Variants in MEF2C observed in about 807,000 individuals in gnomAD.
MEF2C encodes the protein myocyte-specific enhancer factor 2C.
In MEF2C, 6 loss-of-function variants were observed where a neutral mutation model predicts 50.5. The observed-to-expected ratio is 0.12, with a 90% CI of 0.07 to 0.23. MEF2C has a LOEUF of 0.23. Among genes scored for constraint, MEF2C ranks in the 10% least tolerant of loss-of-function variants. The pLI is 1.00. For missense variants in MEF2C, 276 were observed against 605.0 expected, an observed-to-expected ratio of 0.46 and a Z score of 5.70; for synonymous variants, 183 against 228.0, an observed-to-expected ratio of 0.80 and a Z score of 1.78.
intron 1 of MEF2C, among the ~76,000 whole-genome samples, chr5:88,890,104 C>T (rs1319289958): frequency 2.0e-5 from 3 of 152,208 alleles, no homozygotes; most frequent in Non-Finnish European, 4.4e-5. Context: ...ATAGTCTGAG[C>T]TCTCAGCATC....
intron 1 of MEF2C, among the ~76,000 whole-genome samples, chr5:88,855,013 G>A (rs1581614227): frequency 6.6e-6 from 1 of 152,142 alleles, no homozygotes; most frequent in African/African-American, 2.4e-5. Flanking sequence ...TACCCAAAGT[G>A]GTTCTATGCA....
intron 1 of MEF2C, among the ~76,000 whole-genome samples, chr5:88,841,398 T>G (rs1245607456): frequency 6.6e-6 from 1 of 151,344 alleles, no homozygotes; most frequent in Non-Finnish European, 1.5e-5. Flanking sequence ...TACCAGCTAC[T>G]CAGGAAGCTG....
chr5:88,797,455 CTTTTTTTTTTTT>C (rs879036291), intron 3 of MEF2C, among the ~76,000 whole-genome samples: 1 of 63,284 alleles, frequency 1.6e-5, no homozygotes, highest in Non-Finnish European at 2.8e-5. Flanking sequence ...CAACCCTTGC[CTTTTTTTTTTTT>C]TTTTTTTTTT....
At chr5:88,871,275 G>A (rs1415095056) in intron 1 of MEF2C, among the ~76,000 whole-genome samples, 1 of 151,998 alleles carries the variant, frequency 6.6e-6, no homozygotes, top group East Asian at 1.9e-4. Context: ...TAAGTAGGGG[G>A]AGGGGGTTGC....
At chr5:88,776,214 A>T (rs1784671343) in intron 3 of MEF2C, among the ~76,000 whole-genome samples, 1 of 152,260 alleles carries the variant, frequency 6.6e-6, no homozygotes, top group East Asian at 1.9e-4. Context: ...TATTAGTAAT[A>T]TTATTTTAAA....
Position 88,739,645 on chromosome 5 carries a change from C to T in MEF2C, c.638-7744G>A, listed in dbSNP as rs1017538841. On this transcript the variant is annotated intron_variant, in intron 6 of 10. Transcript: ENST00000504921. ...AAATATGATCTTCTAGACTGCAGTC[C>T]TAGCCTGAATGCCTGAAACCTTGTT... 9 of 985,080 alleles carry T rather than the reference C, an allele frequency of 9.1e-6. No individual in the cohort carries two copies. In the African/African-American group the frequency reaches 1.4e-4, roughly 15 times the overall value. The allele number at this position is 985,080 out of a possible 1,614,324, so 61.0% of individuals were successfully genotyped here.
intron 1 of MEF2C, among the ~76,000 whole-genome samples, chr5:88,829,294 G>C (rs1217169117): frequency 6.6e-6 from 1 of 151,728 alleles, no homozygotes; most frequent in Non-Finnish European, 1.5e-5. Flanking sequence ...TTCTGTCTCA[G>C]CTTCAGTTTC....
intron 3 of MEF2C, among the ~76,000 whole-genome samples, chr5:88,777,481 G>A (rs889151319): frequency 6.6e-6 from 1 of 152,178 alleles, no homozygotes; most frequent in South Asian, 2.1e-4. Flanking sequence ...GTGGAACCAA[G>A]TCTATGAACC....
chr5:88,734,561 G>GTTTT (rs1554103551), intron 6 of MEF2C: 49 of 254,370 alleles, frequency 1.9e-4, no homozygotes, highest in African/African-American at 1.2e-3. Flanking sequence ...CTTGAGAAAA[G>GTTTT]TTTGTTTTTT....
intron 1 of MEF2C, among the ~76,000 whole-genome samples, chr5:88,876,063 G>GTTTT (rs33921751): frequency 8.2e-6 from 1 of 122,606 alleles, no homozygotes; most frequent in South Asian, 2.6e-4. Context: ...AGTAACTGGA[G>GTTTT]TTTTTTTTTT....
intron 6 of MEF2C, chr5:88,737,134 C>T: frequency 3.0e-6 from 3 of 985,288 alleles, no homozygotes; most frequent in Non-Finnish European, 3.6e-6. Flanking sequence ...TATTGAGGGA[C>T]AATGAGGTGA....
intron 1 of MEF2C, among the ~76,000 whole-genome samples, chr5:88,876,069 T>G (rs932433226): frequency 3.8e-4 from 58 of 151,226 alleles, no homozygotes; most frequent in African/African-American, 1.3e-3. Flanking sequence ...TGGAGTTTTT[T>G]TTTTTTTTTT....
intron 6 of MEF2C, chr5:88,733,321 G>A (rs1762483732): frequency 3.0e-6 from 3 of 985,228 alleles, no homozygotes; most frequent in Non-Finnish European, 3.6e-6. Context: ...GAAAAGAGAG[G>A]GGTGTCAGAG....
intron 1 of MEF2C, among the ~76,000 whole-genome samples, chr5:88,845,424 G>A (rs1818951935): frequency 6.6e-6 from 1 of 152,114 alleles, no homozygotes; most frequent in African/African-American, 2.4e-5. Context: ...TTTTTAATAA[G>A]CCAAACTTTC....
intron 3 of MEF2C, chr5:88,772,310 G>C (rs1177806354): frequency 6.6e-6 from 1 of 152,176 alleles, no homozygotes; most frequent in Non-Finnish European, 1.5e-5. Flanking sequence ...AGACAGTCAG[G>C]AACTCCCAAG....
At chr5:88,865,189 G>A (rs1826900527) in intron 1 of MEF2C, among the ~76,000 whole-genome samples, 2 of 152,150 alleles carry the variant, frequency 1.3e-5, no homozygotes, top group African/African-American at 4.8e-5. Flanking sequence ...GAGCCACTGT[G>A]CCCACCTAAC....
At chr5:88,725,729 T>C (rs947796804) in intron 10 of MEF2C, among the ~76,000 whole-genome samples, 4 of 152,096 alleles carry the variant, frequency 2.6e-5, no homozygotes, top group Admixed American at 1.3e-4. Flanking sequence ...TTATTCAAAA[T>C]TTTTACTGCC....
At chr5:88,739,951 C>CT in intron 6 of MEF2C, 1 of 985,080 alleles carries the variant, frequency 1.0e-6, no homozygotes, top group East Asian at 1.1e-4. Context: ...CTGGGGGTTT[C>CT]TTAGGGAAAT....
chr5:88,781,162 CAAGA>C (rs1464730304), intron 3 of MEF2C, among the ~76,000 whole-genome samples: 1 of 152,006 alleles, frequency 6.6e-6, no homozygotes, highest in Non-Finnish European at 1.5e-5. Flanking sequence ...CGTTATTACA[CAAGA>C]AATATACATA....
Sources: gnomAD v4.1 joint callset for allele counts (sites outside exome capture counted in the v4.1 genomes callset) on GRCh38, gnomAD v4.1.1 for gene constraint, MANE v1.5 for transcripts, NCBI Gene and HGNC (gene_info 2026-07-23, HGNC 2026-07-21) for gene names.